Variants in UBTD1 observed in about 807,000 individuals in gnomAD.
UBTD1 encodes ubiquitin domain-containing protein 1.
In UBTD1, 19 loss-of-function variants were observed where a neutral mutation model predicts 21.7. The observed-to-expected ratio is 0.87, with a 90% confidence interval of 0.61 to 1.28. The LOEUF (loss-of-function observed/expected upper bound fraction) is 1.28, where lower values mean the gene tolerates loss of function less well. Ranked by LOEUF, UBTD1 falls within the 50% of genes most tolerant of loss-of-function variation. The pLI, the probability that UBTD1 is intolerant of heterozygous loss-of-function variation, is 0.00. For synonymous variants in UBTD1, 116 were observed against 135.1 expected, an observed-to-expected ratio of 0.86 and a Z score of 0.98; for missense variants, 282 against 315.1, an observed-to-expected ratio of 0.89 and a Z score of 0.80.
chr10:97,539,020 G>C (rs2040575584), intron 1 of UBTD1, among the ~76,000 whole-genome samples: 1 of 152,224 alleles, frequency 6.6e-6, no homozygotes, highest in African/African-American at 2.4e-5. Context: ...GCCATGCCTG[G>C]CAGTGCTTGT....
At chr10:97,562,849 T>C (rs1381401985) in intron 1 of UBTD1, among the ~76,000 whole-genome samples, 1 of 152,230 alleles carries the variant, frequency 6.6e-6, no homozygotes, top group African/African-American at 2.4e-5. Flanking sequence ...AGGCCTGACA[T>C]TCCTGTCTTC....
chr10:97,569,896 A>G (rs1434397036), intron 2 of UBTD1, among the ~76,000 whole-genome samples: 2 of 151,828 alleles, frequency 1.3e-5, no homozygotes, highest in African/African-American at 4.8e-5. Context: ...CCTAGGCAAC[A>G]TAGGGAGATC....
intron 1 of UBTD1, among the ~76,000 whole-genome samples, chr10:97,541,886 C>T (rs1166475929): frequency 6.6e-6 from 1 of 152,076 alleles, no homozygotes; most frequent in African/African-American, 2.4e-5. Flanking sequence ...AGGCGCCTGC[C>T]ACCACACCCA....
At chr10:97,536,447 G>A (rs559581591) in intron 1 of UBTD1, among the ~76,000 whole-genome samples, 21 of 152,316 alleles carry the variant, frequency 1.4e-4, no homozygotes, top group African/African-American at 4.3e-4. Flanking sequence ...AGAAGAAAAT[G>A]GGGCAATCTG....
rs61128714 is a variant in UBTD1, at chr10:97,507,774, CAAAAAAAAAA to C, written c.70+8518_70+8527del. On this transcript the variant is annotated intron_variant, in intron 1 of 2. Coordinates refer to ENST00000370664, the MANE Select transcript of UBTD1 (RefSeq NM_024954.5). ...CTAACGACAGAGCAAGACTCCGTCT[CAAAAAAAAAA>C]AAAAAAAAAAAAAAAAGAGAGGAAC... 4.5e-3 allele frequency among the ~76,000 whole-genome samples: 266 copies of C among 59,552 alleles called. 1 individual carries two copies. In the Middle Eastern group the frequency reaches 0.056, roughly 12 times the overall value. The allele number at this position is 59,552 out of a possible 152,430, so 39.1% of individuals were successfully genotyped here.
intron 1 of UBTD1, among the ~76,000 whole-genome samples, chr10:97,548,571 G>A (rs763996809): frequency 4.7e-4 from 72 of 152,250 alleles, no homozygotes; most frequent in Middle Eastern, 3.4e-3. Context: ...CAAGGCAGGC[G>A]GATCACTTGA....
At chr10:97,552,542 C>T (rs552462456) in intron 1 of UBTD1, among the ~76,000 whole-genome samples, 13 of 151,886 alleles carry the variant, frequency 8.6e-5, no homozygotes, top group South Asian at 6.2e-4. Flanking sequence ...ACTGCAGGCG[C>T]GCACCACCAA....
intron 1 of UBTD1, among the ~76,000 whole-genome samples, chr10:97,558,798 C>A (rs1020013569): frequency 6.6e-6 from 1 of 152,066 alleles, no homozygotes; most frequent in Non-Finnish European, 1.5e-5. Flanking sequence ...GTATTCCTTG[C>A]GGGGCTTCGA....
intron 1 of UBTD1, among the ~76,000 whole-genome samples, chr10:97,505,863 G>A (rs933003373): frequency 6.6e-6 from 1 of 152,194 alleles, no homozygotes; most frequent in Non-Finnish European, 1.5e-5. Context: ...GCCATAGCCA[G>A]TGATTTTTCC....
chr10:97,570,171 A>G lies in UBTD1; in HGVS notation c.332A>G (p.Asn111Ser), dbSNP rs779853877. The G allele has an allele frequency of 1.2e-5, 19 of 1,612,148 alleles. No individual in the cohort carries two copies. The East Asian group carries it at 3.6e-4, about 30-fold the overall frequency. The change falls in exon 3 of 3, where the codon AAT (asparagine) becomes AGT (serine). Residue 111 changes from asparagine (N) to serine (S), a missense_variant. By Grantham distance (46) the Asn-to-Ser change is conservative. Transcript: ENST00000370664. This position sits in a 1 kb window ranked among gnomAD's most constrained non-coding sequence, Gnocchi z 6.6. ...TGTGAATGCTACGATGAGCTGGGCA[A>G]TCGCTACCAGCTGCCCATCTACTGC... ...TLCECYDELG[N>S]RYQLPIYCLS...
At chr10:97,517,725 C>T (rs2040450614) in intron 1 of UBTD1, among the ~76,000 whole-genome samples, 1 of 152,142 alleles carries the variant, frequency 6.6e-6, no homozygotes, top group South Asian at 2.1e-4. Context: ...GGCCGGTGAC[C>T]CTGCTGCCAA....
intron 1 of UBTD1, among the ~76,000 whole-genome samples, chr10:97,514,830 G>A (rs770055129): frequency 7.2e-5 from 11 of 152,184 alleles, no homozygotes; most frequent in Non-Finnish European, 5.9e-5. Context: ...ACTGGGTACT[G>A]CACTGGTTGA....
At chr10:97,546,929 G>T (rs570839995) in intron 1 of UBTD1, among the ~76,000 whole-genome samples, 1 of 152,164 alleles carries the variant, frequency 6.6e-6, no homozygotes, top group African/African-American at 2.4e-5. Flanking sequence ...GTCTGTCTCT[G>T]TCTCCGTCTC....
chr10:97,564,009 C>T (rs879707062), intron 1 of UBTD1, among the ~76,000 whole-genome samples: 3 of 152,062 alleles, frequency 2.0e-5, no homozygotes, highest in East Asian at 1.9e-4. Context: ...TATTCTGGAA[C>T]GGTGAACCCA....
intron 1 of UBTD1, among the ~76,000 whole-genome samples, chr10:97,536,253 A>G (rs2040561378): frequency 6.6e-6 from 1 of 152,028 alleles, no homozygotes. Context: ...CCGCCTCCCA[A>G]AGTGCTGGGA....
At chr10:97,514,247 C>T (rs1413810938) in intron 1 of UBTD1, among the ~76,000 whole-genome samples, 1 of 152,108 alleles carries the variant, frequency 6.6e-6, no homozygotes, top group East Asian at 1.9e-4. Flanking sequence ...GGGACTCTTT[C>T]ATTACCCACT....
intron 1 of UBTD1, among the ~76,000 whole-genome samples, chr10:97,565,018 C>CACA (rs2135688846): frequency 1.3e-5 from 2 of 152,296 alleles, no homozygotes; most frequent in African/African-American, 4.8e-5. Flanking sequence ...TCCACACAAA[C>CACA]CAATGTATAT....
intron 1 of UBTD1, among the ~76,000 whole-genome samples, chr10:97,515,667 T>C (rs1415049798): frequency 1.3e-5 from 2 of 152,176 alleles, no homozygotes; most frequent in African/African-American, 4.8e-5. Context: ...GCAGCCTGGC[T>C]TTCCCCTCCT....
chr10:97,504,394 C>T (rs530554717), intron 1 of UBTD1, among the ~76,000 whole-genome samples: 1 of 152,302 alleles, frequency 6.6e-6, no homozygotes, highest in South Asian at 2.1e-4. Context: ...TTCACCTGCT[C>T]ACCTTTCTTA....
Sources: allele counts gnomAD v4.1 joint callset (sites outside exome capture counted in the v4.1 genomes callset), GRCh38; gene constraint gnomAD v4.1.1; non-coding constraint Gnocchi (gnomAD v3.1); transcripts MANE v1.5; gene names NCBI Gene and HGNC (gene_info 2026-07-23, HGNC 2026-07-21).